NAALADL2: variants seen among roughly 807,000 people sequenced by gnomAD.
The protein encoded by NAALADL2 is inactive N-acetylated-alpha-linked acidic dipeptidase-like protein 2.
In NAALADL2, 76 loss-of-function variants were observed where a neutral mutation model predicts 87.2. That is an observed-to-expected ratio of 0.87 (90% CI 0.72 to 1.05). The LOEUF (loss-of-function observed/expected upper bound fraction) is 1.05, where lower values mean the gene tolerates loss of function less well. Among genes scored for constraint, NAALADL2 ranks in the 50% least tolerant of loss-of-function variants. The probability of loss-of-function intolerance (pLI) is 0.00; values close to 1 mark genes in which losing one functional copy is unlikely to be tolerated. For missense variants in NAALADL2, 1,089 were observed against 945.8 expected (o/e 1.15, Z -1.99); for synonymous variants, 354 against 331.0 (o/e 1.07, Z -0.75).
At chr3:174,887,529 TCACATCCATAAAC>T (rs1253155825) in intron 1 of NAALADL2, among the ~76,000 whole-genome samples, 1 of 152,188 alleles carries the variant, frequency 6.6e-6, no homozygotes, top group Non-Finnish European at 1.5e-5. Flanking sequence ...TCATGGTGGC[TCACATCCATAAAC>T]CCAGCAATTT....
chr3:175,167,925 G>T (rs776252455), intron 2 of NAALADL2, among the ~76,000 whole-genome samples: 7 of 151,914 alleles, frequency 4.6e-5, no homozygotes, highest in Admixed American at 4.6e-4. Context: ...ACTGTAAATT[G>T]TGATGGCATT....
intron 2 of NAALADL2, among the ~76,000 whole-genome samples, chr3:174,623,090 G>A (rs1335264354): frequency 1.3e-5 from 2 of 152,134 alleles, no homozygotes; most frequent in African/African-American, 4.8e-5. Context: ...ATCCCTAGGG[G>A]CACTTCATAT....
rs1754700035 is a variant in NAALADL2 at position 175,806,366 on chromosome 3, C to A, written c.*3163C>A. 6.6e-6 allele frequency: 1 copy of A among 151,930 alleles called. No individual in the cohort carries two copies. The highest frequency in any genetic ancestry group is 1.5e-5 in the Non-Finnish European group (1 of 67,904). 9.4% of individuals were successfully genotyped at this position (151,930 alleles called of 1,614,324 possible). On this transcript the variant is annotated 3_prime_UTR_variant, in exon 14 of 14. Transcript: ENST00000454872. ...AGTGTTAAGTCAACAATCTAAATCACCGTTTCTCAAAATGTGAAATTTAGA... is the reference window on the plus strand; with the variant it reads ...AGTGTTAAGTCAACAATCTAAATCAACGTTTCTCAAAATGTGAAATTTAGA...
chr3:175,200,851 C>T (rs1384176390), intron 2 of NAALADL2, among the ~76,000 whole-genome samples: 1 of 152,128 alleles, frequency 6.6e-6, no homozygotes, highest in Admixed American at 6.6e-5. Context: ...TATAAACGGC[C>T]AAATTTAAAT....
At chr3:175,541,363 C>T (rs1712296828) in intron 9 of NAALADL2, among the ~76,000 whole-genome samples, 1 of 152,204 alleles carries the variant, frequency 6.6e-6, no homozygotes, top group Non-Finnish European at 1.5e-5. Flanking sequence ...ATACACCTAA[C>T]CTTTCAAACA....
chr3:174,912,175 G>A (rs1006535168), intron 1 of NAALADL2, among the ~76,000 whole-genome samples: 4 of 152,002 alleles, frequency 2.6e-5, no homozygotes, highest in Non-Finnish European at 4.4e-5. Context: ...AAGAAATGAA[G>A]ACAATCAGTG....
chr3:174,522,872 T>G (rs1720404006), intron 1 of NAALADL2, among the ~76,000 whole-genome samples: 2 of 143,020 alleles, frequency 1.4e-5, no homozygotes, highest in Admixed American at 1.5e-4. Flanking sequence ...AGGCGGAGCT[T>G]GCAGTGAGCC....
At chr3:174,782,142 A>G (rs1716067040) in intron 3 of NAALADL2, among the ~76,000 whole-genome samples, 1 of 152,056 alleles carries the variant, frequency 6.6e-6, no homozygotes. Flanking sequence ...CTCTTATTCA[A>G]GCTGTTAAAG....
At chr3:175,169,192 A>G (rs62283045) in intron 2 of NAALADL2, among the ~76,000 whole-genome samples, 55,271 of 151,424 alleles carry the variant, frequency 0.37, 11,337 homozygotes, top group East Asian at 0.56. Flanking sequence ...GCTTTCTACA[A>G]ATGCTTACTT....
chr3:175,279,967 A>T (rs1309019248), intron 4 of NAALADL2, among the ~76,000 whole-genome samples: 1 of 151,458 alleles, frequency 6.6e-6, no homozygotes, highest in Non-Finnish European at 1.5e-5. Context: ...TGTGAATAGG[A>T]TTTTCTCTTT....
chr3:175,647,212 G>C (rs1187108410), intron 11 of NAALADL2, among the ~76,000 whole-genome samples: 1 of 152,098 alleles, frequency 6.6e-6, no homozygotes, highest in African/African-American at 2.4e-5. Context: ...TAACAGAGAA[G>C]AGGCAGAAGT....
chr3:175,497,056 C>T (rs187926840), intron 9 of NAALADL2, among the ~76,000 whole-genome samples: 16 of 151,996 alleles, frequency 1.1e-4, no homozygotes, highest in African/African-American at 2.2e-4. Flanking sequence ...AACCAAATGG[C>T]GTGTAGTGTT....
intron 10 of NAALADL2, among the ~76,000 whole-genome samples, chr3:175,599,355 G>C (rs1313742987): frequency 6.6e-6 from 1 of 152,044 alleles, no homozygotes; most frequent in African/African-American, 2.4e-5. Context: ...AACATTTATA[G>C]AGTAATTACT....
chr3:174,751,600 T>G (rs1301122289), intron 3 of NAALADL2, among the ~76,000 whole-genome samples: 1 of 148,776 alleles, frequency 6.7e-6, no homozygotes, highest in Non-Finnish European at 1.5e-5. Flanking sequence ...GAGACTGAGG[T>G]TGCAGTGAGC....
intron 2 of NAALADL2, among the ~76,000 whole-genome samples, chr3:174,736,674 C>T (rs767021078): frequency 5.9e-5 from 9 of 152,094 alleles, no homozygotes; most frequent in Non-Finnish European, 1.3e-4. Flanking sequence ...AGCCTTTCGT[C>T]GGCCTGGAAA....
intron 2 of NAALADL2, among the ~76,000 whole-genome samples, chr3:175,200,022 C>T (rs1045959127): frequency 2.0e-5 from 3 of 151,160 alleles, no homozygotes; most frequent in African/African-American, 7.3e-5. Flanking sequence ...AAAAGTCCAA[C>T]TGATCATTAG....
At chr3:175,743,355 A>T (rs987738659) in intron 12 of NAALADL2, among the ~76,000 whole-genome samples, 3 of 152,170 alleles carry the variant, frequency 2.0e-5, no homozygotes, top group Admixed American at 1.3e-4. Flanking sequence ...AAGGTCAGAG[A>T]CAAGGTCTTG....
chr3:175,403,648 AAAGT>A (rs1445218899), intron 5 of NAALADL2, among the ~76,000 whole-genome samples: 2 of 152,146 alleles, frequency 1.3e-5, no homozygotes, highest in African/African-American at 4.8e-5. Context: ...TGACAATAAT[AAAGT>A]AAGAAATGTC....
intron 1 of NAALADL2, among the ~76,000 whole-genome samples, chr3:174,982,295 G>A (rs1044755763): frequency 2.0e-5 from 3 of 152,012 alleles, no homozygotes; most frequent in African/African-American, 7.3e-5. Context: ...AACACAACAG[G>A]GAGCTGAGGT....
Sources: gnomAD v4.1 joint callset for allele counts (sites outside exome capture counted in the v4.1 genomes callset) on GRCh38, gnomAD v4.1.1 for gene constraint, MANE v1.5 for transcripts, NCBI Gene and HGNC (gene_info 2026-07-23, HGNC 2026-07-21) for gene names.